The following DGKG variants were observed in gnomAD, a reference collection of about 807,000 sequenced individuals.
DGKG encodes the protein diacylglycerol kinase gamma.
A neutral mutation model predicts 105.3 loss-of-function variants in DGKG; 78 were observed. The observed-to-expected ratio is 0.74, with a 90% CI of 0.62 to 0.89. The LOEUF is 0.89. DGKG is among the 40% of genes least tolerant of loss of function. The pLI is 0.00. For missense variants in DGKG, 958 were observed against 1,020.1 expected (o/e 0.94, Z 0.83); for synonymous variants, 346 against 367.1 (o/e 0.94, Z 0.66).
chr3:186,355,249 C>CCACCAA (rs1286179455), intron 1 of DGKG, among the ~76,000 whole-genome samples: 1 of 151,940 alleles, frequency 6.6e-6, no homozygotes, highest in Non-Finnish European at 1.5e-5. Context: ...ATCACCGCTA[C>CCACCAA]CACCAACACC....
At chr3:186,260,775 A>G (rs1180784624) in intron 15 of DGKG, among the ~76,000 whole-genome samples, 2 of 152,212 alleles carry the variant, frequency 1.3e-5, no homozygotes, top group Non-Finnish European at 2.9e-5. Context: ...GCCCCTTACA[A>G]AGAGGACAGG....
At chr3:186,312,978 C>A (rs147811901) in intron 2 of DGKG, among the ~76,000 whole-genome samples, 24 of 151,542 alleles carry the variant, frequency 1.6e-4, no homozygotes, top group African/African-American at 4.8e-4. Context: ...CATTGCCTGG[C>A]AAAAAAAATA....
intron 4 of DGKG, 103 bp downstream of exon 4, chr3:186,297,961 G>T (rs191028766): frequency 2.2e-6 from 3 of 1,355,856 alleles, no homozygotes; most frequent in African/African-American, 2.9e-5. Context: ...CACCGTTGGG[G>T]CAGTTACTAT....
At chr3:186,339,823 C>T (rs1726004721) in intron 1 of DGKG, among the ~76,000 whole-genome samples, 2 of 152,306 alleles carry the variant, frequency 1.3e-5, no homozygotes, top group South Asian at 2.1e-4. Context: ...AGAGTATCAC[C>T]CCAAGCTCCA....
intron 1 of DGKG, among the ~76,000 whole-genome samples, chr3:186,335,411 T>C (rs1183276488): frequency 1.3e-5 from 2 of 152,224 alleles, no homozygotes; most frequent in Non-Finnish European, 2.9e-5. Context: ...ATTTAAGCTC[T>C]TTTTAAACAG....
intron 1 of DGKG, among the ~76,000 whole-genome samples, chr3:186,356,686 T>C (rs1726979473): frequency 6.6e-6 from 1 of 151,362 alleles, no homozygotes; most frequent in South Asian, 2.1e-4. Flanking sequence ...AGGACAAGAG[T>C]GATGATAATA....
chr3:186,339,765 C>A (rs1418900772), intron 1 of DGKG, among the ~76,000 whole-genome samples: 1 of 152,144 alleles, frequency 6.6e-6, no homozygotes, highest in African/African-American at 2.4e-5. Context: ...ATGTGGAGCA[C>A]AAAGTGTCAG....
chr3:186,338,419 T>G (rs921740615), intron 1 of DGKG, among the ~76,000 whole-genome samples: 1 of 152,188 alleles, frequency 6.6e-6, no homozygotes, highest in Admixed American at 6.5e-5. Flanking sequence ...AGCCCTAGTT[T>G]ATTCATGTGA....
rs1302510129 is a variant in DGKG at position 186,353,638 on chromosome 3, ATCTATATCTATG to A, written c.-249+8296_-249+8307del. On this transcript the variant is annotated intron_variant, in intron 1 of 24. Transcript: ENST00000265022. ...ATATAGACTCTCTATCTATATCTAT[ATCTATATCTATG>A]TCTATGTCTATATCTATATCTATAT... Among the ~76,000 whole-genome samples the A allele has an allele frequency of 2.1e-3, 230 of 108,316 alleles. 1 individual carries two copies. Among genetic ancestry groups the A allele is most frequent in the African/African-American group, 7.0e-3 (212 of 30,200 alleles). 71.1% of individuals were successfully genotyped at this position (108,316 alleles called of 152,430 possible). A position where few individuals can be genotyped will look rare whatever the true frequency, so the allele number is the denominator to read the frequency against.
intron 9 of DGKG, among the ~76,000 whole-genome samples, chr3:186,277,939 C>T (rs1273950050): frequency 6.6e-6 from 1 of 151,916 alleles, no homozygotes; most frequent in Non-Finnish European, 1.5e-5. Flanking sequence ...TCTCCAAAAC[C>T]CCAAATAGTA....
chr3:186,312,629 G>A (rs528916592), intron 2 of DGKG, among the ~76,000 whole-genome samples: 21 of 152,262 alleles, frequency 1.4e-4, no homozygotes, highest in Non-Finnish European at 1.8e-4. Flanking sequence ...GAAAGTTGGC[G>A]CATGAGCAAA....
chr3:186,299,353 A>C (rs939651611), intron 3 of DGKG, among the ~76,000 whole-genome samples: 1 of 152,212 alleles, frequency 6.6e-6, no homozygotes, highest in Non-Finnish European at 1.5e-5. Flanking sequence ...AGACTGGCTT[A>C]CATGTGTATA....
intron 22 of DGKG, among the ~76,000 whole-genome samples, chr3:186,165,241 G>A (rs916024935): frequency 2.6e-5 from 4 of 152,116 alleles, no homozygotes; most frequent in Non-Finnish European, 4.4e-5. Flanking sequence ...TTTTGATTCA[G>A]ACATCATATA....
At chr3:186,166,492 C>T (rs745575256) in intron 22 of DGKG, among the ~76,000 whole-genome samples, 3 of 152,172 alleles carry the variant, frequency 2.0e-5, no homozygotes, top group Non-Finnish European at 2.9e-5. Context: ...GGAGTTTGGA[C>T]CTAATAAACA....
intron 5 of DGKG, among the ~76,000 whole-genome samples, chr3:186,294,015 T>G (rs1723430648): frequency 6.6e-6 from 1 of 152,210 alleles, no homozygotes; most frequent in Non-Finnish European, 1.5e-5. Context: ...TAATTGCCCT[T>G]TCATGATTTT....
At chr3:186,303,293 A>G (rs1724064372) in intron 3 of DGKG, among the ~76,000 whole-genome samples, 1 of 152,192 alleles carries the variant, frequency 6.6e-6, no homozygotes, top group African/African-American at 2.4e-5. Context: ...AAACCAGATG[A>G]CCAACCACTA....
intron 24 of DGKG, chr3:186,161,363 G>T: frequency 7.3e-7 from 1 of 1,367,564 alleles, no homozygotes; most frequent in Non-Finnish European, 9.4e-7. Context: ...CCTCGAAGTT[G>T]GTTCTATGTC....
At chr3:186,211,609 C>T (rs535402765) in intron 21 of DGKG, among the ~76,000 whole-genome samples, 186 bp downstream of exon 21, 1 of 152,318 alleles carries the variant, frequency 6.6e-6, no homozygotes, top group East Asian at 1.9e-4. Flanking sequence ...CCCAGGGATT[C>T]TCTAGACAGG....
chr3:186,334,050 C>T (rs570042599), intron 1 of DGKG, among the ~76,000 whole-genome samples: 18 of 152,272 alleles, frequency 1.2e-4, no homozygotes, highest in African/African-American at 3.1e-4. Flanking sequence ...CTTCTGCCAA[C>T]GCCTGATCTC....
Sources: gnomAD v4.1 joint callset for allele counts (sites outside exome capture counted in the v4.1 genomes callset) on GRCh38, gnomAD v4.1.1 for gene constraint, MANE v1.5 for transcripts, NCBI Gene and HGNC (gene_info 2026-07-23, HGNC 2026-07-21) for gene names.